Variants in PPP1R9A observed in about 807,000 individuals in gnomAD.
PPP1R9A encodes protein phosphatase 1 regulatory subunit 9A, also known as neurabin-1.
A neutral mutation model predicts 141.9 loss-of-function variants in PPP1R9A; 59 were observed. The ratio of observed to expected loss-of-function variants is 0.42; its 90% CI spans 0.34 to 0.52. The LOEUF (loss-of-function observed/expected upper bound fraction) is 0.52. Ranked by LOEUF, PPP1R9A falls within the 20% of genes least tolerant of loss-of-function variation. PPP1R9A has a pLI of 0.10. For missense variants in PPP1R9A, 1,444 were observed against 1,611.9 expected (o/e 0.90, Z 1.78); for synonymous variants, 500 against 569.7 (o/e 0.88, Z 1.74).
At chr7:95,202,926 G>C (rs973662518) in intron 6 of PPP1R9A, among the ~76,000 whole-genome samples, 1 of 151,950 alleles carries the variant, frequency 6.6e-6, no homozygotes, top group African/African-American at 2.4e-5. Context: ...TAAAAATTAT[G>C]ATTATTTGGC....
At chr7:95,247,330 G>T in intron 8 of PPP1R9A, 143 bp from the exon 9 acceptor site, 1 of 584,820 alleles carries the variant, frequency 1.7e-6, no homozygotes, top group East Asian at 2.9e-5. Flanking sequence ...TCACACAGTA[G>T]ACACTTTAAT....
intron 12 of PPP1R9A, among the ~76,000 whole-genome samples, chr7:95,255,505 G>A (rs1043667712): frequency 6.6e-6 from 1 of 152,052 alleles, no homozygotes; most frequent in Admixed American, 6.6e-5. Context: ...AAATTATTTT[G>A]AACACCGAAA....
At chr7:95,244,884 G>A (rs1797912548) in intron 8 of PPP1R9A, among the ~76,000 whole-genome samples, 1 of 152,158 alleles carries the variant, frequency 6.6e-6, no homozygotes, top group Admixed American at 6.5e-5. Context: ...CATCCAATAA[G>A]GAAGGTTATG....
chr7:95,284,633 G>A (rs1447292563), intron 17 of PPP1R9A, among the ~76,000 whole-genome samples: 3 of 152,192 alleles, frequency 2.0e-5, no homozygotes, highest in Non-Finnish European at 4.4e-5. Flanking sequence ...ATTTGGGACT[G>A]AATACGAGTT....
chr7:94,971,911 A>C (rs1017202498), intron 2 of PPP1R9A, among the ~76,000 whole-genome samples: 1 of 152,170 alleles, frequency 6.6e-6, no homozygotes, highest in Non-Finnish European at 1.5e-5. Context: ...TTTCATAGTC[A>C]TTTCCTTTAA....
intron 3 of PPP1R9A, among the ~76,000 whole-genome samples, chr7:95,117,174 A>G (rs867435978): frequency 3.9e-5 from 6 of 152,256 alleles, no homozygotes; most frequent in Middle Eastern, 3.4e-3. Context: ...CCATAATAAC[A>G]TAGTCCCTCT....
intron 4 of PPP1R9A, among the ~76,000 whole-genome samples, chr7:95,124,473 A>G (rs1238800439): frequency 6.6e-6 from 1 of 152,130 alleles, no homozygotes; most frequent in African/African-American, 2.4e-5. Flanking sequence ...TGGGTTTTTT[A>G]AAATTTTGGC....
At chr7:95,016,951 G>A (rs1157165041) in intron 2 of PPP1R9A, among the ~76,000 whole-genome samples, 1 of 152,182 alleles carries the variant, frequency 6.6e-6, no homozygotes, top group Non-Finnish European at 1.5e-5. Flanking sequence ...AGGCCATGCT[G>A]ATTTAGGGTG....
chr7:95,175,658 T>C (rs976588774), intron 5 of PPP1R9A, among the ~76,000 whole-genome samples: 2 of 152,116 alleles, frequency 1.3e-5, no homozygotes, highest in Non-Finnish European at 2.9e-5. Context: ...TTGTTTCAAT[T>C]TGAAGAAATT....
chr7:95,254,987 A>T (rs9649196), intron 12 of PPP1R9A, among the ~76,000 whole-genome samples: 109,319 of 151,942 alleles, frequency 0.72, 40,632 homozygotes, highest in East Asian at 0.97. Flanking sequence ...TAACACTTTT[A>T]TCTTATCATG....
At chr7:95,090,323 A>T (rs1460541947) in intron 2 of PPP1R9A, among the ~76,000 whole-genome samples, 10 of 152,010 alleles carry the variant, frequency 6.6e-5, no homozygotes, top group Non-Finnish European at 1.2e-4. Flanking sequence ...CATTGTAAAC[A>T]TCAGTTATCA....
At chr7:95,231,072 A>G (rs2152963755) in intron 8 of PPP1R9A, among the ~76,000 whole-genome samples, 1 of 152,290 alleles carries the variant, frequency 6.6e-6, no homozygotes, top group Admixed American at 6.5e-5. Context: ...AAGATACCGT[A>G]TGCAAATGGA....
In PPP1R9A at chr7:95,018,880, G is replaced by A. The variant is rs185251809; in HGVS notation, c.1396-92379G>A. Among the ~76,000 whole-genome samples the A allele has an allele frequency of 7.2e-5, 11 of 152,174 alleles. No homozygotes were observed. The East Asian group carries it at 1.2e-3, about 16-fold the overall frequency. ...CTGCTGGCATGAGGGAAGCCATTGC[G>A]GGCTAACTTGTAGCTTGCAAGTAGG... is the stretch of plus-strand genomic sequence containing the variant. On this transcript the variant is annotated intron_variant, in intron 2 of 19. Coordinates refer to ENST00000433360, the MANE Select transcript of PPP1R9A (RefSeq NM_001166160.2).
chr7:94,913,199 T>G (rs936751895), intron 2 of PPP1R9A, among the ~76,000 whole-genome samples: 1 of 152,124 alleles, frequency 6.6e-6, no homozygotes, highest in Admixed American at 6.6e-5. Context: ...CAGCCTGTAT[T>G]TGGGTCCTGT....
At chr7:95,155,237 AGTATAGTGGC>A (rs1829417175) in intron 4 of PPP1R9A, 1 of 125,482 alleles carries the variant, frequency 8.0e-6, no homozygotes, top group African/African-American at 3.1e-5. Flanking sequence ...CCCATGTAGG[AGTATAGTGGC>A]AGGATCATGG....
chr7:95,124,586 T>C (rs557006125), intron 4 of PPP1R9A, among the ~76,000 whole-genome samples: 5 of 152,290 alleles, frequency 3.3e-5, no homozygotes, highest in Non-Finnish European at 7.4e-5. Context: ...AAATTACTTG[T>C]CAGACCTCCT....
intron 8 of PPP1R9A, among the ~76,000 whole-genome samples, chr7:95,233,281 A>G (rs937981956): frequency 6.6e-6 from 1 of 151,734 alleles, no homozygotes; most frequent in Non-Finnish European, 1.5e-5. Context: ...AGAAAACCAA[A>G]CACCACATGT....
chr7:94,994,632 A>G (rs1479246377), intron 2 of PPP1R9A, among the ~76,000 whole-genome samples: 1 of 152,194 alleles, frequency 6.6e-6, no homozygotes, highest in Non-Finnish European at 1.5e-5. Flanking sequence ...GTGGTGGCTC[A>G]TGCCTGTAAT....
chr7:95,007,342 C>T lies in PPP1R9A; in HGVS notation c.1395+95834C>T, dbSNP rs149318859. On this transcript the variant is annotated intron_variant, in intron 2 of 19. Transcript: ENST00000433360. ...TAGGATGTTTAGCAGCGTTCCCAGC[C>T]TCACCCCAATAGATGCCAGTGGTAC... Among the ~76,000 whole-genome samples, 44 of 152,284 alleles carry T rather than the reference C, an allele frequency of 2.9e-4. No homozygotes were observed. In the East Asian group the frequency reaches 8.5e-3, roughly 29 times the overall value.
Sources: allele counts gnomAD v4.1 joint callset (sites outside exome capture counted in the v4.1 genomes callset), GRCh38; gene constraint gnomAD v4.1.1; transcripts MANE v1.5; gene names NCBI Gene and HGNC (gene_info 2026-07-23, HGNC 2026-07-21).